Variants in BNC1 observed in about 807,000 individuals in gnomAD.
BNC1 encodes zinc finger protein basonuclin-1.
BNC1 carries 8 observed loss-of-function variants against 66.5 expected under a neutral mutation model. That is an observed-to-expected ratio of 0.12 (90% CI 0.07 to 0.22). The LOEUF (loss-of-function observed/expected upper bound fraction) is 0.22. Ranked by LOEUF, BNC1 falls within the 10% of genes least tolerant of loss-of-function variation. BNC1 has a pLI of 1.00. For missense variants in BNC1, 1,069 were observed against 1,241.3 expected (o/e 0.86, Z 2.09); for synonymous variants, 454 against 452.6 (o/e 1.00, Z -0.04).
chr15:83,268,868 T>C (rs544998085), intron 1 of BNC1, among the ~76,000 whole-genome samples: 9 of 152,198 alleles, frequency 5.9e-5, no homozygotes, highest in Non-Finnish European at 1.3e-4. Context: ...GGGCATAGAA[T>C]GTACAAAAAT....
intron 3 of BNC1, among the ~76,000 whole-genome samples, chr15:83,265,327 C>A (rs2038205262): frequency 6.6e-6 from 1 of 152,176 alleles, no homozygotes; most frequent in Non-Finnish European, 1.5e-5. Flanking sequence ...TGCACACATT[C>A]ACAAAGCAGG....
chr15:83,282,299 G>T (rs2038387227), intron 1 of BNC1, among the ~76,000 whole-genome samples: 1 of 152,174 alleles, frequency 6.6e-6, no homozygotes, highest in Non-Finnish European at 1.5e-5. Context: ...TAGTTTCTTG[G>T]TGAAATTAGT....
chr15:83,283,026 T>G, intron 1 of BNC1: 1 of 1,321,238 alleles, frequency 7.6e-7, no homozygotes, highest in South Asian at 1.3e-5. Flanking sequence ...AGCACAGCCA[T>G]AAAACCAGGG....
At position 83,264,813 on chromosome 15, in the gene BNC1, A is replaced by C; in HGVS notation, c.438T>G (p.Asp146Glu). Residue 146 changes from aspartate to glutamate, a missense_variant and splice_region_variant, in exon 4 of 5, where the codon GAT becomes GAG. Asp to Glu is a conservative substitution (Grantham distance 45). Transcript: ENST00000345382. ...QDYIRGYVLQ[D>E]ASGKVLDHWS... ...AGTGATCCAACACCTTTCCTGATGCATCCTAAACCCAAACCAGATGTTAGA... is the reference window on the plus strand; with the variant it reads ...AGTGATCCAACACCTTTCCTGATGCCTCCTAAACCCAAACCAGATGTTAGA... The C allele has an allele frequency of 6.2e-7, 1 of 1,612,200 alleles. No homozygotes were observed. The highest frequency in any genetic ancestry group is 8.5e-7 in the Non-Finnish European group (1 of 1,178,966).
rs1014174382 is a variant in BNC1, at chr15:83,265,060, A to T, written c.436-245T>A. On this transcript the variant is annotated intron_variant, in intron 3 of 4. Transcript: ENST00000345382. The stretch of plus-strand genomic sequence containing the variant: ...GTGCAAAAGAGACAAATAAAACCAT[A>T]TTACTCAAGTGAAGTCAGGGAAATG... Among the ~76,000 whole-genome samples, 7 of 152,322 alleles carry T rather than the reference A, an allele frequency of 4.6e-5. No individual in the cohort carries two copies. In the East Asian group the frequency reaches 1.3e-3, roughly 29 times the overall value.
chr15:83,273,569 G>C (rs2038289008), intron 1 of BNC1, among the ~76,000 whole-genome samples: 1 of 152,122 alleles, frequency 6.6e-6, no homozygotes, highest in African/African-American at 2.4e-5. Flanking sequence ...ACTTTGATGT[G>C]CTACAAATCA....
Position 83,264,729 on chromosome 15 carries a change from T to C in BNC1, c.522A>G (p.Gly174=), listed in dbSNP as rs770584324. 3 of 1,614,170 alleles carry C rather than the reference T, an allele frequency of 1.9e-6. No homozygotes were observed. The highest frequency in any genetic ancestry group is 2.5e-6 in the Non-Finnish European group (3 of 1,180,022). ...TGAGTTCAACTATAGATTTGGTCTCTCCAAAACGAAGGAACTGCTGCAAGG... is the reference window on the plus strand; with the variant it reads ...TGAGTTCAACTATAGATTTGGTCTCCCCAAAACGAAGGAACTGCTGCAAGG... The part of the protein sequence containing the change: ...VATLQQFLRF[G]ETKSIVELMA... Residue 174 remains glycine, a synonymous_variant, in exon 4 of 5, where the codon GGA becomes GGG. Transcript: ENST00000345382.
At chr15:83,284,499 T>C in intron 1 of BNC1, 31 bp downstream of exon 1, 1 of 1,186,010 alleles carries the variant, frequency 8.4e-7, no homozygotes, top group Non-Finnish European at 1.1e-6. Flanking sequence ...GCACAGAGAA[T>C]CCCCGCGCCC....
chr15:83,263,375 C>G lies in BNC1; in HGVS notation c.1876G>C (p.Glu626Gln), dbSNP rs772257476. 3.7e-6 allele frequency: 6 copies of G among 1,614,172 alleles called. No individual in the cohort carries two copies. Among genetic ancestry groups the G allele is most frequent in the Non-Finnish European group, 5.1e-6 (6 of 1,180,036 alleles). ...CTCTCTGAATTGTGTGTGGCCTGCTCAGGGGTTTGGCTGATGGCTCCACTG... is the reference window on the plus strand; with the variant it reads ...CTCTCTGAATTGTGTGTGGCCTGCTGAGGGGTTTGGCTGATGGCTCCACTG... ...ESSGAISQTP[E>Q]QATHNSERET... Residue 626 changes from glutamate (E) to glutamine (Q), a missense_variant, in exon 4 of 5, where the codon GAG becomes CAG. Coordinates refer to ENST00000345382, the MANE Select transcript of BNC1 (RefSeq NM_001717.4).
chr15:83,260,902 T>C (rs1359989343), intron 4 of BNC1, among the ~76,000 whole-genome samples: 3 of 152,224 alleles, frequency 2.0e-5, no homozygotes, highest in Admixed American at 2.0e-4. Context: ...TCATAGATTC[T>C]AGGTAAAATG....
rs544936159 is a variant in BNC1, at chr15:83,277,615, T to C, written c.99+6915A>G. 1.6e-3 allele frequency among the ~76,000 whole-genome samples: 251 copies of C among 152,272 alleles called. 1 individual carries two copies. Among genetic ancestry groups the C allele is most frequent in the African/African-American group, 5.8e-3 (241 of 41,556 alleles). ...TGAGCCACCGCGCCTGGCCAGTTTT[T>C]TCTAAGTAGTACTTTTTAAATGTTG... On this transcript the variant is annotated intron_variant, in intron 1 of 4. Transcript: ENST00000345382.
At chr15:83,258,824 T>C (rs2038112414) in intron 4 of BNC1, among the ~76,000 whole-genome samples, 1 of 152,222 alleles carries the variant, frequency 6.6e-6, no homozygotes, top group African/African-American at 2.4e-5. Flanking sequence ...ATATTTTGGA[T>C]ATACTGAAGT....
At chr15:83,283,650 A>G (rs2151441601) in intron 1 of BNC1, among the ~76,000 whole-genome samples, 1 of 152,154 alleles carries the variant, frequency 6.6e-6, no homozygotes, top group African/African-American at 2.4e-5. Flanking sequence ...CTCCAGGAAA[A>G]CCTCGGAGCG....
intron 3 of BNC1, among the ~76,000 whole-genome samples, chr15:83,266,303 T>C (rs543889914): frequency 6.6e-6 from 1 of 150,948 alleles, no homozygotes; most frequent in Admixed American, 6.6e-5. Context: ...CACACACATA[T>C]AGAGAGAGAG....
Position 83,284,556 on chromosome 15 carries a change from G to C in BNC1, c.73C>G (p.His25Asp). 9.1e-7 allele frequency: 1 copy of C among 1,103,702 alleles called. No homozygotes were observed. Among genetic ancestry groups the C allele is most frequent in the Non-Finnish European group, 1.1e-6 (1 of 906,500 alleles). 68.4% of individuals were successfully genotyped at this position (1,103,702 alleles called of 1,614,324 possible). The change falls in exon 1 of 5, where the codon CAC (histidine) becomes GAC (aspartate). Residue 25 changes from histidine to aspartate, a missense_variant. Coordinates refer to ENST00000345382, the MANE Select transcript of BNC1 (RefSeq NM_001717.4). ...TCGGCCATCCTGCGACCGCTGCGGT[G>C]CCGGGGCTGCCGGCGCGTCTCCCGG... ...RARETRRQPR[H>D]RSGRRMAEAI... is the part of the protein sequence containing the mutation.
Position 83,263,944 on chromosome 15 carries a change from T to G in BNC1, c.1307A>C (p.Glu436Ala), listed in dbSNP as rs1415333329. 1.2e-5 allele frequency: 19 copies of G among 1,614,072 alleles called. No homozygotes were observed. In the East Asian group the frequency reaches 4.2e-4, roughly 36 times the overall value. ...LRNSLNLASS[E>A]NYKCPGFTVT... ...TGTGAAACCTGGGCACTTGTAGTTC[T>G]CAGAGCTGGCCAGGTTCAGGCTGTT... Residue 436 changes from glutamate (E) to alanine (A), a missense_variant, in exon 4 of 5, where the codon GAG (glutamate) becomes GCG (alanine). By Grantham distance (107) the Glu-to-Ala change is moderately radical (BLOSUM62 -1). Coordinates refer to ENST00000345382, the MANE Select transcript of BNC1 (RefSeq NM_001717.4).
chr15:83,280,989 G>A (rs1377876921), intron 1 of BNC1, among the ~76,000 whole-genome samples: 2 of 152,106 alleles, frequency 1.3e-5, no homozygotes, highest in Non-Finnish European at 2.9e-5. Context: ...GATTTGTTAG[G>A]CTGGTTTATA....
rs540818731 is a variant in BNC1, at chr15:83,277,403, G to A, written c.99+7127C>T. ...TGGCTCACTACAACTTCTGCCTCCC[G>A]GGTTCAAGTGATTCTCCTGCCTCAG... On this transcript the variant is annotated intron_variant, in intron 1 of 4. Coordinates refer to ENST00000345382, the MANE Select transcript of BNC1 (RefSeq NM_001717.4). Among the ~76,000 whole-genome samples the A allele has an allele frequency of 5.9e-5, 9 of 152,140 alleles. No individual in the cohort carries two copies. The East Asian group carries it at 7.7e-4, about 13-fold the overall frequency.
At chr15:83,262,254 T>C (rs1255882233) in intron 4 of BNC1, among the ~76,000 whole-genome samples, 2 of 152,072 alleles carry the variant, frequency 1.3e-5, no homozygotes, top group Non-Finnish European at 2.9e-5. Flanking sequence ...GATTTCACCA[T>C]GTTGGCCAGG....
Sources: allele counts gnomAD v4.1 joint callset (sites outside exome capture counted in the v4.1 genomes callset), GRCh38; gene constraint gnomAD v4.1.1; transcripts MANE v1.5; gene names NCBI Gene and HGNC (gene_info 2026-07-23, HGNC 2026-07-21).